GULP1: variants seen among roughly 807,000 people sequenced by gnomAD.
The protein encoded by GULP1 is PTB domain-containing engulfment adapter protein 1.
GULP1 carries 19 observed loss-of-function variants against 40.9 expected under a neutral mutation model. That is an observed-to-expected ratio of 0.46 (90% CI 0.32 to 0.68). GULP1 has a LOEUF of 0.68. GULP1 is among the 30% of genes least tolerant of loss of function. The pLI is 0.03. For missense variants in GULP1, 312 were observed against 362.2 expected (o/e 0.86, Z 1.12); for synonymous variants, 119 against 117.6 (o/e 1.01, Z -0.08).
At chr2:188,568,757 G>C (rs200667155) in intron 7 of GULP1, among the ~76,000 whole-genome samples, 2 of 152,096 alleles carry the variant, frequency 1.3e-5, no homozygotes, top group East Asian at 3.9e-4. Context: ...GTTTTCCAGA[G>C]ACACCACCTG....
chr2:188,490,993 C>T (rs1169655011), intron 4 of GULP1, among the ~76,000 whole-genome samples: 4 of 151,828 alleles, frequency 2.6e-5, no homozygotes, highest in Admixed American at 2.0e-4. Context: ...GATGGGGTTT[C>T]GCCACGTTGC....
intron 5 of GULP1, among the ~76,000 whole-genome samples, chr2:188,527,998 G>T (rs1388616548): frequency 6.6e-6 from 1 of 152,096 alleles, no homozygotes; most frequent in East Asian, 1.9e-4. Context: ...GAGAGAAAAA[G>T]TTACTCTAGA....
chr2:188,384,895 G>A (rs1482392908), intron 2 of GULP1, among the ~76,000 whole-genome samples: 1 of 152,190 alleles, frequency 6.6e-6, no homozygotes, highest in African/African-American at 2.4e-5. Flanking sequence ...GAGTTCCCAT[G>A]GTCTTGGGCA....
At chr2:188,502,670 A>G (rs2063541888) in intron 4 of GULP1, among the ~76,000 whole-genome samples, 1 of 151,916 alleles carries the variant, frequency 6.6e-6, no homozygotes, top group Admixed American at 6.6e-5. Context: ...CTCCTTCTTT[A>G]TATTTTCTAC....
intron 1 of GULP1, among the ~76,000 whole-genome samples, chr2:188,377,039 G>A (rs1171678837): frequency 6.6e-6 from 1 of 152,088 alleles, no homozygotes; most frequent in Admixed American, 6.6e-5. Flanking sequence ...GGGCGTGGTG[G>A]CACATGCCTG....
intron 1 of GULP1, among the ~76,000 whole-genome samples, chr2:188,352,978 C>T (rs1486867030): frequency 1.3e-5 from 2 of 151,956 alleles, no homozygotes; most frequent in African/African-American, 2.4e-5. Flanking sequence ...AAGTCATTTT[C>T]CCTATTGAAG....
chr2:188,534,696 A>G (rs982576337), intron 6 of GULP1, among the ~76,000 whole-genome samples: 5 of 152,102 alleles, frequency 3.3e-5, no homozygotes, highest in Admixed American at 2.6e-4. Flanking sequence ...CAAACAGGGA[A>G]AGGTAGTAAG....
chr2:188,364,559 C>G (rs7593232), intron 1 of GULP1, among the ~76,000 whole-genome samples: 18,451 of 151,978 alleles, frequency 0.12, 1,280 homozygotes, highest in Middle Eastern at 0.17. Context: ...TGTTCCTCTT[C>G]TTTCTTTCTC....
chr2:188,324,393 A>G (rs2040452055), intron 1 of GULP1, among the ~76,000 whole-genome samples: 1 of 152,120 alleles, frequency 6.6e-6, no homozygotes, highest in Non-Finnish European at 1.5e-5. Flanking sequence ...TAAAATGCCC[A>G]TAAACTTTTC....
chr2:188,438,658 A>AAT (rs1344628965), intron 2 of GULP1, among the ~76,000 whole-genome samples: 5 of 143,834 alleles, frequency 3.5e-5, no homozygotes, highest in Non-Finnish European at 7.5e-5. Context: ...TGCCACATAG[A>AAT]ATATATATAT....
At chr2:188,551,438 CTTAT>C (rs1021977268) in intron 7 of GULP1, among the ~76,000 whole-genome samples, 1 of 151,550 alleles carries the variant, frequency 6.6e-6, no homozygotes, top group Non-Finnish European at 1.5e-5. Context: ...CTTTTTGTGC[CTTAT>C]TTATTTCACT....
At chr2:188,297,165 T>A (rs2035141558) in intron 1 of GULP1, among the ~76,000 whole-genome samples, 1 of 152,074 alleles carries the variant, frequency 6.6e-6, no homozygotes, top group South Asian at 2.1e-4. Flanking sequence ...TTTTTTCTTT[T>A]TTCCAAATTC....
At chr2:188,373,121 T>C (rs1421776421) in intron 1 of GULP1, among the ~76,000 whole-genome samples, 2 of 151,832 alleles carry the variant, frequency 1.3e-5, no homozygotes, top group African/African-American at 2.4e-5. Context: ...GGCCTCTTTC[T>C]TAAGTAGTCA....
intron 2 of GULP1, among the ~76,000 whole-genome samples, chr2:188,434,490 C>A (rs2057220952): frequency 6.6e-6 from 1 of 150,486 alleles, no homozygotes; most frequent in Non-Finnish European, 1.5e-5. Flanking sequence ...CATTCTGCCT[C>A]TTGTTTTGGT....
chr2:188,585,622 C>T (rs1424302576), intron 10 of GULP1, among the ~76,000 whole-genome samples: 3 of 152,188 alleles, frequency 2.0e-5, no homozygotes, highest in Non-Finnish European at 4.4e-5. Context: ...TGTATCTTGG[C>T]CCCTTTTAGC....
At chr2:188,372,476 C>A (rs1263777146) in intron 1 of GULP1, among the ~76,000 whole-genome samples, 1 of 151,934 alleles carries the variant, frequency 6.6e-6, no homozygotes, top group Non-Finnish European at 1.5e-5. Context: ...GTAAATTTTG[C>A]CTTTTCAGCA....
intron 4 of GULP1, among the ~76,000 whole-genome samples, chr2:188,503,630 A>T (rs2063641976): frequency 6.6e-6 from 1 of 151,832 alleles, no homozygotes; most frequent in African/African-American, 2.4e-5. Flanking sequence ...GTGTTGCCCA[A>T]GTCAATTCTT....
At chr2:188,320,917 A>G (rs1289258176) in intron 1 of GULP1, among the ~76,000 whole-genome samples, 1 of 142,340 alleles carries the variant, frequency 7.0e-6, no homozygotes, top group Non-Finnish European at 1.5e-5. Flanking sequence ...CTCCTCCAGA[A>G]AAAAAAAAAC....
At chr2:188,390,346 G>C (rs762978353) in intron 2 of GULP1, among the ~76,000 whole-genome samples, 2 of 151,978 alleles carry the variant, frequency 1.3e-5, no homozygotes, top group Admixed American at 1.3e-4. Context: ...GTTTTAATTG[G>C]CATCGTCCTG....
Sources: gnomAD v4.1 joint callset for allele counts (sites outside exome capture counted in the v4.1 genomes callset) on GRCh38, gnomAD v4.1.1 for gene constraint, MANE v1.5 for transcripts, NCBI Gene and HGNC (gene_info 2026-07-23, HGNC 2026-07-21) for gene names.